The following KCNAB2 variants were observed in gnomAD, a reference collection of about 807,000 sequenced individuals.
KCNAB2 encodes the protein potassium voltage-gated channel subfamily A regulatory beta subunit 2.
In KCNAB2, 29 loss-of-function variants were observed where a neutral mutation model predicts 63.6. That is an observed-to-expected ratio of 0.46 (90% CI 0.34 to 0.62). The LOEUF is 0.62. Among genes scored for constraint, KCNAB2 ranks in the 20% least tolerant of loss-of-function variants. KCNAB2 has a pLI of 0.01. For synonymous variants in KCNAB2, 222 were observed against 224.2 expected (o/e 0.99, Z 0.09); for missense variants, 359 against 563.9 (o/e 0.64, Z 3.68).
intron 15 of KCNAB2, chr1:6,098,043 G>C (rs563583921): frequency 2.1e-6 from 1 of 481,260 alleles, no homozygotes; most frequent in Admixed American, 6.0e-5. Flanking sequence ...GGGAAGGTGG[G>C]GCCCCCGGGA....
intron 1 of KCNAB2, among the ~76,000 whole-genome samples, chr1:5,995,400 C>T (rs561014864): frequency 1.6e-3 from 241 of 152,344 alleles, no homozygotes; most frequent in Middle Eastern, 3.4e-3. Flanking sequence ...CTTGGCTGTC[C>T]GAGCTGGGGG....
chr1:6,004,396 G>A (rs1276565699), intron 1 of KCNAB2, among the ~76,000 whole-genome samples: 1 of 152,052 alleles, frequency 6.6e-6, no homozygotes, highest in Admixed American at 6.5e-5. Context: ...GGGTGCATTT[G>A]TTTCCTAGTA....
intron 9 of KCNAB2, 135 bp from the exon 10 acceptor site, chr1:6,091,128 T>A (rs1315335861): frequency 4.3e-6 from 3 of 698,204 alleles, no homozygotes; most frequent in Non-Finnish European, 2.6e-6. Context: ...TGTGTTGATA[T>A]ATTTTTTTCC....
chr1:6,008,286 T>C (rs806113), intron 1 of KCNAB2, among the ~76,000 whole-genome samples: 147,037 of 152,180 alleles, frequency 0.97, 71,072 homozygotes, highest in East Asian at 1. Context: ...GCAGCCAGCA[T>C]CCAGGACAGG....
At position 6,086,064 on chromosome 1, in the gene KCNAB2, T is replaced by C; in HGVS notation, c.425+816T>C. The C allele has an allele frequency of 2.0e-6, 2 of 985,408 alleles. No individual in the cohort carries two copies. The highest frequency in any genetic ancestry group is 2.4e-6 in the Non-Finnish European group (2 of 829,922). 61.0% of individuals were successfully genotyped at this position (985,408 alleles called of 1,614,324 possible). On this transcript the variant is annotated intron_variant, in intron 6 of 15. Transcript: ENST00000378083. The surrounding 1 kb of genome is among the most constrained non-coding windows in gnomAD (Gnocchi z 4.2). Reference sequence around the variant, plus strand: ...AACTGGGCTGAGCACTTGCCTACATTTTGAGGCTCCCCAGACCCCTGGACA... The same window carrying C: ...AACTGGGCTGAGCACTTGCCTACATCTTGAGGCTCCCCAGACCCCTGGACA...
chr1:6,089,135 ACC>A, intron 8 of KCNAB2, 84 bp downstream of exon 8: 1 of 1,397,092 alleles, frequency 7.2e-7, no homozygotes, highest in South Asian at 1.2e-5. Flanking sequence ...ACAGGGCCCG[ACC>A]CCCCCAGTTA....
chr1:6,084,580 CCACA>C lies in KCNAB2; in HGVS notation c.381-623_381-620del, dbSNP rs1664493547. The stretch of plus-strand genomic sequence containing the variant: ...CCTGGAATCCCAGCACTTTGGGAGG[CCACA>C]GTGGGCGGATCACTCGAGATGAGGA... On this transcript the variant is annotated intron_variant, in intron 5 of 15. Coordinates refer to ENST00000378083, the MANE Select transcript of KCNAB2 (RefSeq NM_001199862.2). Among the ~76,000 whole-genome samples, 38 of 152,306 alleles carry C rather than the reference CCACA, an allele frequency of 2.5e-4. 1 individual carries two copies. The highest frequency in any genetic ancestry group is 2.4e-3 in the Admixed American group (37 of 15,308).
chr1:6,034,114 T>G (rs1359439199), upstream of KCNAB2, among the ~76,000 whole-genome samples: 1 of 152,232 alleles, frequency 6.6e-6, no homozygotes, highest in Non-Finnish European at 1.5e-5. Flanking sequence ...CCCTCTGCGC[T>G]AAAGGAGCCA....
chr1:6,028,985 G>A lies in KCNAB2; in HGVS notation c.-52-11532G>A, dbSNP rs931516325. Among the ~76,000 whole-genome samples, 3 of 152,194 alleles carry A rather than the reference G, an allele frequency of 2.0e-5. No homozygotes were observed. Among genetic ancestry groups the A allele is most frequent in the East Asian group, 3.9e-4 (2 of 5,180 alleles). On this transcript the variant is annotated intron_variant, in intron 1 of 16. Transcript: ENST00000341524. This position sits in a 1 kb window ranked among gnomAD's most constrained non-coding sequence, Gnocchi z 4.0. The stretch of plus-strand genomic sequence containing the variant: ...AAGTCCCGCCATGACGCCCTGAGGC[G>A]TGGGTTCACACTTGGGTGTGGCTGG...
Position 6,086,377 on chromosome 1 carries a change from T to C in KCNAB2, c.426-1090T>C. On this transcript the variant is annotated intron_variant, in intron 6 of 15. Transcript: ENST00000378083. This position sits in a 1 kb window ranked among gnomAD's most constrained non-coding sequence, Gnocchi z 4.2. ...AAATTGCACGTATTAGCAAATCCCC[T>C]GATCACGTCTTTGGCGAATGTGCAT... 2 of 985,322 alleles carry C rather than the reference T, an allele frequency of 2.0e-6. No individual in the cohort carries two copies. Among genetic ancestry groups the C allele is most frequent in the Non-Finnish European group, 1.2e-6 (1 of 829,840 alleles). The allele number at this position is 985,322 out of a possible 1,614,324, so 61.0% of individuals were successfully genotyped here.
chr1:6,095,299 C>T (rs892184150), intron 11 of KCNAB2, 24 bp from the exon 12 acceptor site: 21 of 1,602,328 alleles, frequency 1.3e-5, no homozygotes, highest in Non-Finnish European at 1.6e-5. Context: ...CAAGGGCCCT[C>T]GGGGTCCCTT....
At chr1:6,066,251 G>C (rs1057144842) in intron 2 of KCNAB2, among the ~76,000 whole-genome samples, 1 of 152,224 alleles carries the variant, frequency 6.6e-6, no homozygotes, top group Admixed American at 6.5e-5. Flanking sequence ...TGACACCAGC[G>C]TGAAGCAGCA....
At chr1:5,999,146 G>T (rs1299655157) in intron 1 of KCNAB2, among the ~76,000 whole-genome samples, 5 of 152,368 alleles carry the variant, frequency 3.3e-5, no homozygotes, top group Admixed American at 2.0e-4. Flanking sequence ...GTGAACTGCG[G>T]GCTGGGGCTT....
In KCNAB2 at chr1:6,035,635, G is replaced by A. The variant is rs1195790870; in HGVS notation, c.-53+841G>A. 6.6e-6 allele frequency among the ~76,000 whole-genome samples: 1 copy of A among 152,102 alleles called. No homozygotes were observed. Among genetic ancestry groups the A allele is most frequent in the African/African-American group, 2.4e-5 (1 of 41,402 alleles). On this transcript the variant is annotated intron_variant, in intron 1 of 15. Coordinates refer to the KCNAB2 transcript ENST00000164247. The surrounding 1 kb of genome is among the most constrained non-coding windows in gnomAD (Gnocchi z 5.0). ...ATCTGGGGCCACCCTGGGAAGAACT[G>A]GGCTGGGGGTGAGGGCAGTCGGGAG...
chr1:6,037,802 T>A (rs903719574), intron 1 of KCNAB2, among the ~76,000 whole-genome samples: 1 of 151,166 alleles, frequency 6.6e-6, no homozygotes, highest in Non-Finnish European at 1.5e-5. Flanking sequence ...CAAAGCCAGG[T>A]AACCAGCCTT....
intron 2 of KCNAB2, chr1:6,040,789 G>A (rs1056851624): frequency 6.7e-6 from 4 of 596,430 alleles, no homozygotes; most frequent in East Asian, 2.9e-5. Flanking sequence ...GGGTTTTGAG[G>A]TGCACGCTGG....
Position 6,003,709 on chromosome 1 carries a change from A to G in KCNAB2, c.-53+10921A>G, listed in dbSNP as rs1256932681. On this transcript the variant is annotated intron_variant, in intron 1 of 16. Transcript: ENST00000341524. The surrounding 1 kb of genome is among the most constrained non-coding windows in gnomAD (Gnocchi z 4.1). ...TACTACCCAATTTCAAAAAGGTCGT[A>G]GTATATAGCTCATGTCCCAGAACCA... 6.6e-6 allele frequency among the ~76,000 whole-genome samples: 1 copy of G among 152,222 alleles called. No homozygotes were observed. The highest frequency in any genetic ancestry group is 1.5e-5 in the Non-Finnish European group (1 of 68,046).
At chr1:6,025,868 G>A (rs1170475272) in intron 1 of KCNAB2, 1 of 142,156 alleles carries the variant, frequency 7.0e-6, no homozygotes, top group Non-Finnish European at 1.6e-5. Flanking sequence ...GCACACAGCC[G>A]ATCCCGGCAC....
At chr1:6,010,152 C>T (rs1490282429) in intron 1 of KCNAB2, among the ~76,000 whole-genome samples, 1 of 152,220 alleles carries the variant, frequency 6.6e-6, no homozygotes, top group Non-Finnish European at 1.5e-5. Flanking sequence ...GCTGGCATTA[C>T]AGGTGTGAGC....
Sources: gnomAD v4.1 joint callset for allele counts (sites outside exome capture counted in the v4.1 genomes callset) on GRCh38, gnomAD v4.1.1 for gene constraint, Gnocchi (gnomAD v3.1) non-coding constraint, MANE v1.5 for transcripts, NCBI Gene and HGNC (gene_info 2026-07-23, HGNC 2026-07-21) for gene names.